Variants in RFTN1 observed in about 807,000 individuals in gnomAD.
RFTN1 encodes raftlin.
In RFTN1, 26 loss-of-function variants were observed where a neutral mutation model predicts 46.5. The observed-to-expected ratio is 0.56, with a 90% CI of 0.41 to 0.78. The LOEUF (loss-of-function observed/expected upper bound fraction) is 0.78, where lower values mean the gene tolerates loss of function less well. RFTN1 is among the 30% of genes least tolerant of loss of function. The pLI is 0.00. For missense variants in RFTN1, 693 were observed against 718.7 expected (o/e 0.96, Z 0.41); for synonymous variants, 261 against 284.2 (o/e 0.92, Z 0.82).
Position 16,506,714 on chromosome 3 carries a change from T to C in RFTN1, c.-9+6728A>G, listed in dbSNP as rs1322421244. ...GCAGTAGGCCGCTGGATGTACCATT[T>C]CGAGTTCAGAGGAGAGCTCCACAGC... is the stretch of plus-strand genomic sequence containing the variant. On this transcript the variant is annotated intron_variant, in intron 1 of 9. Coordinates refer to ENST00000334133, the MANE Select transcript of RFTN1 (RefSeq NM_015150.2). This position sits in a 1 kb window ranked among gnomAD's most constrained non-coding sequence, Gnocchi z 4.8. 1.3e-5 allele frequency among the ~76,000 whole-genome samples: 2 copies of C among 151,822 alleles called. No individual in the cohort carries two copies. Among genetic ancestry groups the C allele is most frequent in the East Asian group, 3.9e-4 (2 of 5,138 alleles).
intron 1 of RFTN1, among the ~76,000 whole-genome samples, chr3:16,501,284 T>C (rs75562146): frequency 0.037 from 5,627 of 152,282 alleles, 209 homozygotes; most frequent in East Asian, 0.11. Flanking sequence ...GTATCCTAAT[T>C]TGTTTCTGAA....
At chr3:16,435,033 C>T (rs1220938855) in intron 2 of RFTN1, among the ~76,000 whole-genome samples, 1 of 152,154 alleles carries the variant, frequency 6.6e-6, no homozygotes, top group Non-Finnish European at 1.5e-5. Context: ...GGGCAAACAA[C>T]GTTCAAAAGT....
In RFTN1 at chr3:16,316,715, AAGCCAAAGGGT is replaced by A. The variant is rs2068429309; in HGVS notation, c.*102_*112del. On this transcript the variant is annotated 3_prime_UTR_variant, in exon 10 of 10. Transcript: ENST00000334133. This position sits in a 1 kb window ranked among gnomAD's most constrained non-coding sequence, Gnocchi z 4.5. ...TGAGCTCACAAGGAGAGGTCAAGCCAAGCCAAAGGGTAGGTAACACACAACACCAGGGAAAC... is the reference window on the plus strand; with the variant it reads ...TGAGCTCACAAGGAGAGGTCAAGCCAAGGTAACACACAACACCAGGGAAAC... 7.5e-7 allele frequency: 1 copy of A among 1,337,400 alleles called. No individual in the cohort carries two copies. Among genetic ancestry groups the A allele is most frequent in the Non-Finnish European group, 1.1e-6 (1 of 945,086 alleles). The allele number at this position is 1,337,400 out of a possible 1,614,324, so 82.8% of individuals were successfully genotyped here. A position where few individuals can be genotyped will look rare whatever the true frequency, so the allele number is the denominator to read the frequency against.
At chr3:16,455,948 C>A (rs1313080184) in intron 2 of RFTN1, among the ~76,000 whole-genome samples, 1 of 152,136 alleles carries the variant, frequency 6.6e-6, no homozygotes, top group Non-Finnish European at 1.5e-5. Context: ...ATTAGTTTCA[C>A]ATCCCCCGAC....
Position 16,509,607 on chromosome 3 carries a change from A to G in RFTN1, c.-9+3835T>C, listed in dbSNP as rs1203028961. On this transcript the variant is annotated intron_variant, in intron 1 of 9. Coordinates refer to ENST00000334133, the MANE Select transcript of RFTN1 (RefSeq NM_015150.2). The surrounding 1 kb of genome is among the most constrained non-coding windows in gnomAD (Gnocchi z 4.9). ...AATCAGTAATAAAGAGAACAGTGTTAATACAATGAAAGTTTACACTGAACA... is the reference window on the plus strand; with the variant it reads ...AATCAGTAATAAAGAGAACAGTGTTGATACAATGAAAGTTTACACTGAACA... Among the ~76,000 whole-genome samples the G allele has an allele frequency of 2.0e-5, 3 of 152,230 alleles. No homozygotes were observed. Among genetic ancestry groups the G allele is most frequent in the Non-Finnish European group, 2.9e-5 (2 of 68,040 alleles).
chr3:16,487,374 T>G (rs1333170350), intron 2 of RFTN1, among the ~76,000 whole-genome samples: 3 of 152,222 alleles, frequency 2.0e-5, no homozygotes, highest in Non-Finnish European at 2.9e-5. Context: ...GATTCTGACC[T>G]GAAACCGAAT....
rs1415477399 is a variant in RFTN1 at position 16,410,047 on chromosome 3, C to A, written c.333-564G>T. Reference sequence around the variant, plus strand: ...TGGGTCTTTAATGAAGCCCCAGATTCTTTCCCGAAAGTAACGTCAAAAAGG... The same window carrying A: ...TGGGTCTTTAATGAAGCCCCAGATTATTTCCCGAAAGTAACGTCAAAAAGG... On this transcript the variant is annotated intron_variant, in intron 3 of 9. Coordinates refer to ENST00000334133, the MANE Select transcript of RFTN1 (RefSeq NM_015150.2). This position sits in a 1 kb window ranked among gnomAD's most constrained non-coding sequence, Gnocchi z 4.6. Among the ~76,000 whole-genome samples the A allele has an allele frequency of 1.3e-5, 2 of 150,764 alleles. No homozygotes were observed. Among genetic ancestry groups the A allele is most frequent in the Non-Finnish European group, 1.5e-5 (1 of 67,800 alleles).
intron 2 of RFTN1, among the ~76,000 whole-genome samples, chr3:16,470,414 G>T (rs2076174480): frequency 6.6e-6 from 1 of 152,216 alleles, no homozygotes; most frequent in African/African-American, 2.4e-5. Flanking sequence ...GCAGGCCCTG[G>T]TTGGTACCAC....
chr3:16,489,305 C>T lies in RFTN1; in HGVS notation c.145+4420G>A, dbSNP rs888280758. Reference sequence around the variant, plus strand: ...TGGTGGCGGGCACCTGTAATCCCAACTACTCGGCAGGCTGAGGCACAAGAA... The same window carrying T: ...TGGTGGCGGGCACCTGTAATCCCAATTACTCGGCAGGCTGAGGCACAAGAA... On this transcript the variant is annotated intron_variant, in intron 2 of 9. Transcript: ENST00000334133. This position sits in a 1 kb window ranked among gnomAD's most constrained non-coding sequence, Gnocchi z 4.0. Among the ~76,000 whole-genome samples, 1 of 152,042 alleles carries T rather than the reference C, an allele frequency of 6.6e-6. No individual in the cohort carries two copies.
At position 16,342,157 on chromosome 3, in the gene RFTN1, A is replaced by T. The variant is rs190495832; in HGVS notation, c.1147-15281T>A. 8.7e-4 allele frequency among the ~76,000 whole-genome samples: 132 copies of T among 151,370 alleles called. 1 individual carries two copies. Among genetic ancestry groups the T allele is most frequent in the African/African-American group, 3.1e-3 (126 of 41,192 alleles). Reference sequence around the variant, plus strand: ...AATCTAAGTTTAGACCACTTTCATCACCCCCCACACCAATACCCTGTACCT... The same window carrying T: ...AATCTAAGTTTAGACCACTTTCATCTCCCCCCACACCAATACCCTGTACCT... On this transcript the variant is annotated intron_variant, in intron 7 of 9. Transcript: ENST00000334133. The surrounding 1 kb of genome is among the most constrained non-coding windows in gnomAD (Gnocchi z 4.0).
In RFTN1 at chr3:16,457,679, C is replaced by T. The variant is rs761905761; in HGVS notation, c.146-23642G>A. Among the ~76,000 whole-genome samples the T allele has an allele frequency of 2.0e-5, 3 of 152,148 alleles. No individual in the cohort carries two copies. The highest frequency in any genetic ancestry group is 4.4e-5 in the Non-Finnish European group (3 of 68,036). On this transcript the variant is annotated intron_variant, in intron 2 of 9. Transcript: ENST00000334133. The surrounding 1 kb of genome is among the most constrained non-coding windows in gnomAD (Gnocchi z 4.2). ...GCTGCCTGAAACAAAAATTACATTA[C>T]TAATTTCACAGTGGAGCAGGGAATA...
In RFTN1 at chr3:16,500,887, C is replaced by G. The variant is rs1355988284; in HGVS notation, c.-8-7010G>C. Among the ~76,000 whole-genome samples, 1 of 152,186 alleles carries G rather than the reference C, an allele frequency of 6.6e-6. No homozygotes were observed. Among genetic ancestry groups the G allele is most frequent in the Non-Finnish European group, 1.5e-5 (1 of 68,040 alleles). ...CCAGGCCCTGCCCTCAGGGAGATCA[C>G]AGAGACAATGACGAGATACCCATGG... On this transcript the variant is annotated intron_variant, in intron 1 of 9. Transcript: ENST00000334133. This position sits in a 1 kb window ranked among gnomAD's most constrained non-coding sequence, Gnocchi z 5.9.
Position 16,377,930 on chromosome 3 carries a change from G to A in RFTN1, c.614C>T (p.Pro205Leu), listed in dbSNP as rs150713360. ...AGCACTGCACACATCCCCAGTCCCC[G>A]GTTTCTCATTCTCCAGTGACGCGTG... Reference protein sequence around the residue: ...GDHASLENEKPGTGDVCSAPA... With the variant: ...GDHASLENEKLGTGDVCSAPA... The change falls in exon 5 of 10, where the codon CCG becomes CTG. Residue 205 changes from proline to leucine, a missense_variant. Physicochemically the swap from Pro to Leu is moderately conservative, Grantham distance 98. Coordinates refer to ENST00000334133, the MANE Select transcript of RFTN1 (RefSeq NM_015150.2). 46 of 1,614,044 alleles carry A rather than the reference G, an allele frequency of 2.8e-5. No individual in the cohort carries two copies. Among genetic ancestry groups the A allele is most frequent in the South Asian group, 1.6e-4 (15 of 91,092 alleles).
chr3:16,455,039 G>A (rs1189549916), intron 2 of RFTN1, among the ~76,000 whole-genome samples: 1 of 152,136 alleles, frequency 6.6e-6, no homozygotes, highest in African/African-American at 2.4e-5. Flanking sequence ...CAAGGGTAAG[G>A]AAAAACAGGC....
Position 16,402,998 on chromosome 3 carries a change from T to C in RFTN1, c.441+6377A>G, listed in dbSNP as rs1221536369. Among the ~76,000 whole-genome samples the C allele has an allele frequency of 6.6e-6, 1 of 152,134 alleles. No individual in the cohort carries two copies. Among genetic ancestry groups the C allele is most frequent in the African/African-American group, 2.4e-5 (1 of 41,428 alleles). On this transcript the variant is annotated intron_variant, in intron 4 of 9. Transcript: ENST00000334133. The surrounding 1 kb of genome is among the most constrained non-coding windows in gnomAD (Gnocchi z 4.5). The stretch of plus-strand genomic sequence containing the variant: ...AAGGCAAAGGCCACCATGTCTTATC[T>C]GGACAAGGGCAGGGAGCGTGGCTTT...
intron 2 of RFTN1, among the ~76,000 whole-genome samples, chr3:16,478,358 G>A (rs912606298): frequency 1.3e-5 from 2 of 152,148 alleles, no homozygotes; most frequent in African/African-American, 4.8e-5. Flanking sequence ...AGGAAACTGA[G>A]GCACAGAGAA....
intron 2 of RFTN1, among the ~76,000 whole-genome samples, chr3:16,455,938 A>C (rs1289888972): frequency 6.6e-6 from 1 of 152,178 alleles, no homozygotes; most frequent in Non-Finnish European, 1.5e-5. Context: ...AAACTAATCA[A>C]TTAGTTTCAC....
At chr3:16,494,208 G>T (rs142369084) in intron 1 of RFTN1, among the ~76,000 whole-genome samples, 1,663 of 152,140 alleles carry the variant, frequency 0.011, 7 homozygotes, top group Middle Eastern at 0.034. Context: ...CTGTATCCAT[G>T]AATAAAAAAT....
rs2073992854 is a variant in RFTN1 at position 16,381,521 on chromosome 3, A to G, written c.442-3419T>C. Reference sequence around the variant, plus strand: ...ATAAGAAATGTGGCAGAACTGGAGCATGCATGCCTCACCTTAAAGCATTCA... The same window carrying G: ...ATAAGAAATGTGGCAGAACTGGAGCGTGCATGCCTCACCTTAAAGCATTCA... On this transcript the variant is annotated intron_variant, in intron 4 of 9. Transcript: ENST00000334133. This position sits in a 1 kb window ranked among gnomAD's most constrained non-coding sequence, Gnocchi z 4.2. Among the ~76,000 whole-genome samples, 1 of 152,212 alleles carries G rather than the reference A, an allele frequency of 6.6e-6. No individual in the cohort carries two copies. The highest frequency in any genetic ancestry group is 1.5e-5 in the Non-Finnish European group (1 of 68,046).
Sources: gnomAD v4.1 joint callset for allele counts (sites outside exome capture counted in the v4.1 genomes callset) on GRCh38, gnomAD v4.1.1 for gene constraint, Gnocchi (gnomAD v3.1) non-coding constraint, MANE v1.5 for transcripts, NCBI Gene and HGNC (gene_info 2026-07-23, HGNC 2026-07-21) for gene names.